The following GRID2 variants were observed in gnomAD, a reference collection of about 807,000 sequenced individuals.
The protein encoded by GRID2 is glutamate receptor ionotropic, delta-2.
A neutral mutation model predicts 114.8 loss-of-function variants in GRID2; 33 were observed. That is an observed-to-expected ratio of 0.29 (90% CI 0.22 to 0.38). The LOEUF (loss-of-function observed/expected upper bound fraction) is 0.38. GRID2 is among the 10% of genes least tolerant of loss of function. The probability of loss-of-function intolerance (pLI) is 1.00; values close to 1 mark genes in which losing one functional copy is unlikely to be tolerated. For missense variants in GRID2, 1,184 were observed against 1,257.7 expected (o/e 0.94, Z 0.89); for synonymous variants, 505 against 449.9 (o/e 1.12, Z -1.55).
chr4:92,700,644 T>G (rs1387587389), intron 2 of GRID2, among the ~76,000 whole-genome samples: 2 of 152,176 alleles, frequency 1.3e-5, no homozygotes, highest in Non-Finnish European at 2.9e-5. Context: ...GTTTAAGGAA[T>G]ATTTTATGGA....
chr4:92,413,500 A>C (rs1731438101), intron 1 of GRID2, among the ~76,000 whole-genome samples: 1 of 152,168 alleles, frequency 6.6e-6, no homozygotes, highest in African/African-American at 2.4e-5. Context: ...ATTGTGGGCC[A>C]CTGGAGAAAG....
Position 93,563,045 on chromosome 4 carries a change from G to C in GRID2, c.2193+47634G>C, listed in dbSNP as rs112757231. 1.2e-3 allele frequency among the ~76,000 whole-genome samples: 180 copies of C among 152,080 alleles called. 1 individual carries two copies. The highest frequency in any genetic ancestry group is 4.2e-3 in the African/African-American group (175 of 41,544). On this transcript the variant is annotated intron_variant, in intron 13 of 15. Coordinates refer to ENST00000282020, the MANE Select transcript of GRID2 (RefSeq NM_001510.4). ...TTTATTCTTCTTCAGTATTGTGCAG[G>C]ATAGTTTTATAGCAGTGAAAAATGC...
At chr4:93,628,480 A>G (rs1025215284) in intron 14 of GRID2, among the ~76,000 whole-genome samples, 3 of 152,162 alleles carry the variant, frequency 2.0e-5, no homozygotes, top group Admixed American at 2.0e-4. Context: ...GTAAGCCTGG[A>G]ACTTGACCTT....
intron 2 of GRID2, among the ~76,000 whole-genome samples, chr4:92,666,668 T>TTTTTTTTTTTTTTTTTTA (rs1411605301): frequency 6.7e-6 from 1 of 149,036 alleles, no homozygotes; most frequent in Non-Finnish European, 1.5e-5. Flanking sequence ...TTTTTTTTTT[T>TTTTTTTTTTTTTTTTTTA]TTCAGATCTT....
chr4:92,696,677 T>C (rs1203060920), intron 2 of GRID2, among the ~76,000 whole-genome samples: 3 of 152,074 alleles, frequency 2.0e-5, no homozygotes, highest in African/African-American at 4.8e-5. Flanking sequence ...AATCTACCCA[T>C]TTGCAATGAC....
chr4:92,745,812 A>G (rs888392830), intron 2 of GRID2, among the ~76,000 whole-genome samples: 3 of 152,150 alleles, frequency 2.0e-5, no homozygotes, highest in East Asian at 1.9e-4. Context: ...CAAAAAGACC[A>G]TGTAGCAAAT....
intron 1 of GRID2, among the ~76,000 whole-genome samples, chr4:92,556,092 A>C (rs1726836881): frequency 6.6e-6 from 1 of 152,214 alleles, no homozygotes; most frequent in Non-Finnish European, 1.5e-5. Flanking sequence ...GGGAAAGCTC[A>C]GTTGTGGACA....
chr4:93,082,179 A>C (rs1189509495), intron 2 of GRID2, among the ~76,000 whole-genome samples: 3 of 152,102 alleles, frequency 2.0e-5, no homozygotes, highest in Admixed American at 1.3e-4. Flanking sequence ...GTCCCAATTC[A>C]TTTTACTTGT....
At chr4:93,380,712 G>A (rs1763770485) in intron 8 of GRID2, among the ~76,000 whole-genome samples, 1 of 151,928 alleles carries the variant, frequency 6.6e-6, no homozygotes, top group Admixed American at 6.6e-5. Context: ...ATCAATTTCA[G>A]AGGCAAAGGC....
At chr4:93,201,037 A>G (rs1336109710) in intron 4 of GRID2, among the ~76,000 whole-genome samples, 2 of 152,196 alleles carry the variant, frequency 1.3e-5, no homozygotes, top group Non-Finnish European at 2.9e-5. Context: ...CAAAAAAGGA[A>G]ACAGGTTTAT....
At chr4:93,627,729 C>T (rs1742851336) in intron 14 of GRID2, among the ~76,000 whole-genome samples, 1 of 152,170 alleles carries the variant, frequency 6.6e-6, no homozygotes, top group South Asian at 2.1e-4. Flanking sequence ...AAGAGGCTGG[C>T]AGAAACCTGC....
intron 14 of GRID2, among the ~76,000 whole-genome samples, chr4:93,696,174 C>T (rs1727002384): frequency 6.6e-6 from 1 of 152,160 alleles, no homozygotes; most frequent in Non-Finnish European, 1.5e-5. Flanking sequence ...CATGTTCCAC[C>T]CTTCTACATC....
At chr4:92,581,545 A>G (rs531296915) in intron 1 of GRID2, among the ~76,000 whole-genome samples, 1 of 152,208 alleles carries the variant, frequency 6.6e-6, no homozygotes, top group East Asian at 1.9e-4. Context: ...TCCAAACGAA[A>G]TGTGATTTCA....
chr4:93,275,837 T>A (rs1213720538), intron 8 of GRID2, among the ~76,000 whole-genome samples: 1 of 151,908 alleles, frequency 6.6e-6, no homozygotes, highest in Non-Finnish European at 1.5e-5. Context: ...TTTTAGGTTG[T>A]AAATCTTCTT....
At chr4:92,823,501 A>G (rs1049311221) in intron 2 of GRID2, among the ~76,000 whole-genome samples, 8 of 152,136 alleles carry the variant, frequency 5.3e-5, no homozygotes, top group Non-Finnish European at 1.0e-4. Flanking sequence ...ACAGATAGAA[A>G]GGTTGGAACC....
intron 2 of GRID2, among the ~76,000 whole-genome samples, chr4:92,629,362 C>T (rs1730679180): frequency 6.6e-6 from 1 of 151,896 alleles, no homozygotes; most frequent in South Asian, 2.1e-4. Context: ...AGTATGGACA[C>T]CATATAAGAT....
intron 1 of GRID2, among the ~76,000 whole-genome samples, chr4:92,320,666 G>C (rs1004739178): frequency 6.6e-6 from 1 of 151,968 alleles, no homozygotes; most frequent in African/African-American, 2.4e-5. Flanking sequence ...TTAGTAGAAA[G>C]AGAGTTTCAC....
At chr4:92,952,231 T>C (rs1192587362) in intron 2 of GRID2, among the ~76,000 whole-genome samples, 1 of 152,226 alleles carries the variant, frequency 6.6e-6, no homozygotes. Context: ...TTTATTATTC[T>C]GATAGGTAAA....
At chr4:93,581,962 T>C (rs531362252) in intron 13 of GRID2, among the ~76,000 whole-genome samples, 1 of 152,340 alleles carries the variant, frequency 6.6e-6, no homozygotes, top group African/African-American at 2.4e-5. Context: ...GTTGAAATTT[T>C]TCCTTATATT....
Sources: gnomAD v4.1 joint callset for allele counts (sites outside exome capture counted in the v4.1 genomes callset) on GRCh38, gnomAD v4.1.1 for gene constraint, MANE v1.5 for transcripts, NCBI Gene and HGNC (gene_info 2026-07-23, HGNC 2026-07-21) for gene names.